EFL1: variants seen among roughly 807,000 people sequenced by gnomAD.
EFL1 encodes the protein elongation factor like GTPase 1.
Under a neutral mutation model 126.7 loss-of-function variants are expected in EFL1, and 76 were observed. The ratio of observed to expected loss-of-function variants is 0.60; its 90% CI spans 0.50 to 0.73. EFL1 has a LOEUF of 0.73. Ranked by LOEUF, EFL1 falls within the 30% of genes least tolerant of loss-of-function variation. The pLI is 0.00. For synonymous variants in EFL1, 410 were observed against 448.4 expected, an observed-to-expected ratio of 0.91 and a Z score of 1.08; for missense variants, 1,128 against 1,343.2, an observed-to-expected ratio of 0.84 and a Z score of 2.50.
At chr15:82,253,693 C>T (rs1392845829) in intron 3 of EFL1, among the ~76,000 whole-genome samples, 4 of 152,122 alleles carry the variant, frequency 2.6e-5, no homozygotes, top group South Asian at 2.1e-4. Context: ...ATTTTGAATA[C>T]ATCTTTTTTA....
chr15:82,223,494 CATTCACAG>C (rs1333155010), intron 12 of EFL1, among the ~76,000 whole-genome samples: 1 of 152,108 alleles, frequency 6.6e-6, no homozygotes, highest in Non-Finnish European at 1.5e-5. Flanking sequence ...TTAGGAAAAA[CATTCACAG>C]AAAATGTAAT....
chr15:82,151,294 G>C (rs986253173), intron 18 of EFL1, among the ~76,000 whole-genome samples, 171 bp downstream of exon 18: 3 of 152,124 alleles, frequency 2.0e-5, no homozygotes, highest in Admixed American at 2.0e-4. Flanking sequence ...AGGCTGAGGT[G>C]AGAGGATTGC....
Position 82,163,967 on chromosome 15 carries a change from C to T in EFL1, c.1768G>A (p.Asp590Asn), listed in dbSNP as rs750589831. ...AGTGTTGCAGATTTCAGCACAAAAT[C>T]TTGAAGGCCTCCTATTCCTGTAGGA... ...GNVLGIGGLQ[D>N]FVLKSATLCS... The change falls in exon 16 of 20, where the codon GAT (aspartate) becomes AAT (asparagine). Residue 590 changes from aspartate (D) to asparagine (N), a missense_variant. Asp to Asn is a conservative substitution (Grantham distance 23). Transcript: ENST00000268206. The T allele has an allele frequency of 6.2e-7, 1 of 1,613,930 alleles. No individual in the cohort carries two copies. The highest frequency in any genetic ancestry group is 1.1e-5 in the South Asian group (1 of 91,038).
At position 82,225,205 on chromosome 15, in the gene EFL1, A is replaced by G. The variant is rs760427251; in HGVS notation, c.1252T>C (p.Phe418Leu). The change falls in exon 12 of 20, where the codon TTT becomes CTT. Residue 418 changes from phenylalanine to leucine, a missense_variant. Transcript: ENST00000268206. Reference protein sequence around the residue: ...APVIIFVSKMFAVDAKALPQN... With the variant: ...APVIIFVSKMLAVDAKALPQN... ...GGCAAGGCCTTAGCATCAACTGCAA[A>G]CATTTTGGAAACAAATATAATAACT... 1 of 1,612,576 alleles carries G rather than the reference A, an allele frequency of 6.2e-7. No homozygotes were observed. Among genetic ancestry groups the G allele is most frequent in the South Asian group, 1.1e-5 (1 of 90,766 alleles).
In EFL1 at chr15:82,259,158, G is replaced by A. The variant is rs2075091494; in HGVS notation, c.92-3C>T. The stretch of plus-strand genomic sequence containing the variant: ...ACAGTCAGCCAGAGTAGTTTTTCCT[G>A]TTAAAATAGCAACATCAATTCAAAT... On this transcript the variant is annotated splice_region_variant and splice_polypyrimidine_tract_variant and intron_variant, in intron 2 of 19. Coordinates refer to ENST00000268206, the MANE Select transcript of EFL1 (RefSeq NM_024580.6). 6.2e-7 allele frequency: 1 copy of A among 1,613,294 alleles called. No homozygotes were observed. Among genetic ancestry groups the A allele is most frequent in the South Asian group, 1.1e-5 (1 of 91,056 alleles).
intron 15 of EFL1, among the ~76,000 whole-genome samples, chr15:82,166,510 T>C (rs1393046515): frequency 2.0e-5 from 3 of 152,218 alleles, no homozygotes; most frequent in Non-Finnish European, 4.4e-5. Flanking sequence ...TTTTAAAATC[T>C]AGGAAAGGGA....
At position 82,247,096 on chromosome 15, in the gene EFL1, A is replaced by G. The variant is rs1049919392; in HGVS notation, c.244+5595T>C. On this transcript the variant is annotated intron_variant, in intron 4 of 19. Transcript: ENST00000268206. ...ACAAATCTGGGCTGTATGAAGCAGG[A>G]AATGAATGAAGAAAGAGGCTGTGGG... is the stretch of plus-strand genomic sequence containing the variant. 1.3e-5 allele frequency among the ~76,000 whole-genome samples: 2 copies of G among 152,156 alleles called. 1 individual carries two copies. The highest frequency in any genetic ancestry group is 4.8e-5 in the African/African-American group (2 of 41,386).
chr15:82,138,455 T>TGTGTGTGC (rs1555423527), intron 19 of EFL1, among the ~76,000 whole-genome samples: 1 of 151,908 alleles, frequency 6.6e-6, no homozygotes, highest in Non-Finnish European at 1.5e-5. Flanking sequence ...TGTGTGTGTG[T>TGTGTGTGC]GTGTTTATTA....
At chr15:82,243,559 A>G (rs376406986) in intron 4 of EFL1, among the ~76,000 whole-genome samples, 21,685 of 50,804 alleles carry the variant, frequency 0.43, 5,255 homozygotes, top group African/African-American at 0.49. Context: ...AACTTCAAGC[A>G]CTTTTCCATC....
chr15:82,219,259 C>G (rs1444542286), intron 14 of EFL1, among the ~76,000 whole-genome samples: 23 of 152,154 alleles, frequency 1.5e-4, no homozygotes, highest in Admixed American at 6.5e-5. Flanking sequence ...CCTGCCTATC[C>G]CCTGCTCACT....
chr15:82,202,056 C>G (rs1433559084), intron 15 of EFL1, among the ~76,000 whole-genome samples: 2 of 152,128 alleles, frequency 1.3e-5, no homozygotes, highest in Non-Finnish European at 2.9e-5. Flanking sequence ...CTCAGAAAAA[C>G]TAATTCCCTC....
chr15:82,154,909 G>C (rs574558203), intron 17 of EFL1, among the ~76,000 whole-genome samples: 74 of 152,262 alleles, frequency 4.9e-4, no homozygotes, highest in African/African-American at 1.8e-3. Context: ...TTACAGGCAT[G>C]CACCACCTGC....
chr15:82,200,206 G>A (rs922302241), intron 15 of EFL1, among the ~76,000 whole-genome samples: 1 of 152,176 alleles, frequency 6.6e-6, no homozygotes, highest in African/African-American at 2.4e-5. Flanking sequence ...CCAGGCACAT[G>A]AGAGTTATAG....
At chr15:82,234,864 C>A (rs1310987638) in intron 7 of EFL1, among the ~76,000 whole-genome samples, 4 of 152,144 alleles carry the variant, frequency 2.6e-5, no homozygotes, top group Non-Finnish European at 4.4e-5. Flanking sequence ...TACTATTTAT[C>A]CAAACCACAG....
At chr15:82,241,502 A>C in intron 4 of EFL1, 99 bp from the exon 5 acceptor site, 1 of 1,421,370 alleles carries the variant, frequency 7.0e-7, no homozygotes. Flanking sequence ...TTCTAAGAAA[A>C]AACTGAACAA....
At chr15:82,218,807 A>C (rs2074678067) in intron 14 of EFL1, among the ~76,000 whole-genome samples, 1 of 152,148 alleles carries the variant, frequency 6.6e-6, no homozygotes, top group South Asian at 2.1e-4. Flanking sequence ...AACTGCTAAA[A>C]CTCATGGAAT....
chr15:82,252,914 C>T (rs1050137737), intron 3 of EFL1, 139 bp from the exon 4 acceptor site: 20 of 652,876 alleles, frequency 3.1e-5, no homozygotes, highest in Non-Finnish European at 5.2e-5. Flanking sequence ...CAGGGTCTTG[C>T]TATGTTGCCC....
At chr15:82,253,449 TATTGAAATACTGC>T (rs753905819) in intron 3 of EFL1, among the ~76,000 whole-genome samples, 5 of 151,748 alleles carry the variant, frequency 3.3e-5, no homozygotes, top group Non-Finnish European at 7.4e-5. Context: ...ACCATAAATG[TATTGAAATACTGC>T]ATACCCTCCC....
At chr15:82,228,581 G>A (rs1183291149) in intron 9 of EFL1, among the ~76,000 whole-genome samples, 11 of 152,046 alleles carry the variant, frequency 7.2e-5, no homozygotes, top group African/African-American at 2.7e-4. Flanking sequence ...TATACCAAGT[G>A]GTAAAGCAGT....
Sources: allele counts gnomAD v4.1 joint callset (sites outside exome capture counted in the v4.1 genomes callset), GRCh38; gene constraint gnomAD v4.1.1; transcripts MANE v1.5; gene names NCBI Gene and HGNC (gene_info 2026-07-23, HGNC 2026-07-21).